The following NDUFB6 variants were observed in gnomAD, a reference collection of about 807,000 sequenced individuals.
NDUFB6 encodes the protein NADH:ubiquinone oxidoreductase subunit B6.
A neutral mutation model predicts 17.5 loss-of-function variants in NDUFB6; 23 were observed. The ratio of observed to expected loss-of-function variants is 1.31; its 90% CI spans 0.94 to 1.86. The LOEUF is 1.86. Among genes scored for constraint, NDUFB6 ranks in the 40% most tolerant of loss-of-function variants. The pLI, the probability that NDUFB6 is intolerant of heterozygous loss-of-function variation, is 0.00. For synonymous variants in NDUFB6, 60 were observed against 53.5 expected (o/e 1.12, Z -0.53); for missense variants, 167 against 153.8 (o/e 1.09, Z -0.46).
At chr9:32,571,314 T>G (rs140861752) in intron 1 of NDUFB6, among the ~76,000 whole-genome samples, 529 of 152,302 alleles carry the variant, frequency 3.5e-3, no homozygotes, top group African/African-American at 7.7e-3. Flanking sequence ...TATAGATTTT[T>G]TAAAGACTTC....
intron 1 of NDUFB6, among the ~76,000 whole-genome samples, chr9:32,572,145 G>A (rs1391338854): frequency 6.6e-6 from 1 of 152,172 alleles, no homozygotes; most frequent in Non-Finnish European, 1.5e-5. Context: ...GCAAGCACCC[G>A]TGTGTTACGT....
chr9:32,556,411 G>A (rs10813834), intron 3 of NDUFB6, among the ~76,000 whole-genome samples: 76,431 of 152,070 alleles, frequency 0.5, 20,218 homozygotes, highest in Middle Eastern at 0.67. Context: ...CGATAGGCAC[G>A]GCTGTAAGAT....
rs140350201 is a variant in NDUFB6 at position 32,570,345 on chromosome 9, C to T, written c.273+615G>A. On this transcript the variant is annotated intron_variant, in intron 2 of 3. Coordinates refer to ENST00000379847, the MANE Select transcript of NDUFB6 (RefSeq NM_002493.5). ...TTTTGTGCTCCAACACTTCAGGCTA[C>T]GCAGTCACCACTGCTCCCTCTGCCA... 3.9e-5 allele frequency among the ~76,000 whole-genome samples: 6 copies of T among 152,280 alleles called. No individual in the cohort carries two copies. The East Asian group carries it at 1.2e-3, about 29-fold the overall frequency.
chr9:32,561,394 C>G (rs13295526), intron 2 of NDUFB6, among the ~76,000 whole-genome samples: 15,680 of 151,786 alleles, frequency 0.1, 1,034 homozygotes, highest in Middle Eastern at 0.28. Context: ...GTGGCCCAAT[C>G]TCGACTCACT....
intron 2 of NDUFB6, chr9:32,566,206 C>A: frequency 1.3e-6 from 1 of 796,778 alleles, no homozygotes; most frequent in Non-Finnish European, 2.2e-6. Flanking sequence ...TTTGTAGATT[C>A]TGTTCAGGTC....
chr9:32,571,101 T>C, intron 1 of NDUFB6, 49 bp from the exon 2 acceptor site: 1 of 1,300,740 alleles, frequency 7.7e-7, no homozygotes. Flanking sequence ...ATTTTTTATA[T>C]TTATGGCAGA....
chr9:32,553,466 G>A lies in NDUFB6; in HGVS notation c.*410C>T, dbSNP rs1480387479. 1 of 196,104 alleles carries A rather than the reference G, an allele frequency of 5.1e-6. No individual in the cohort carries two copies. 12.1% of individuals were successfully genotyped at this position (196,104 alleles called of 1,614,324 possible). On this transcript the variant is annotated 3_prime_UTR_variant, in exon 4 of 4. Coordinates refer to ENST00000379847, the MANE Select transcript of NDUFB6 (RefSeq NM_002493.5). The stretch of plus-strand genomic sequence containing the variant: ...GGCCTCCCAAAGTGCTGGGATTACA[G>A]GCATGAGCCACTGCGCCTGGCCGGA...
intron 2 of NDUFB6, among the ~76,000 whole-genome samples, chr9:32,563,061 TTC>T (rs1445926706): frequency 2.0e-5 from 3 of 152,348 alleles, no homozygotes; most frequent in South Asian, 2.1e-4. Context: ...TGGGTTTATC[TTC>T]TGTTTCCTCA....
chr9:32,563,287 T>C (rs656706), intron 2 of NDUFB6, among the ~76,000 whole-genome samples: 146,201 of 152,244 alleles, frequency 0.96, 70,284 homozygotes, highest in Middle Eastern at 0.98. Context: ...AAATTAAATA[T>C]TTTGAGGATA....
intron 3 of NDUFB6, among the ~76,000 whole-genome samples, chr9:32,557,305 A>G (rs1461911406): frequency 6.7e-6 from 1 of 148,814 alleles, no homozygotes; most frequent in African/African-American, 2.5e-5. Flanking sequence ...CTGGGATTAC[A>G]GGCGTGCACC....
At chr9:32,571,842 G>A (rs1030036691) in intron 1 of NDUFB6, among the ~76,000 whole-genome samples, 1 of 152,170 alleles carries the variant, frequency 6.6e-6, no homozygotes, top group African/African-American at 2.4e-5. Context: ...GATACAAAGG[G>A]TGGGAGAAGA....
At chr9:32,559,212 T>C (rs1264446739) in intron 2 of NDUFB6, among the ~76,000 whole-genome samples, 1 of 152,092 alleles carries the variant, frequency 6.6e-6, no homozygotes, top group African/African-American at 2.4e-5. Flanking sequence ...ACACTCTTAT[T>C]CCCCCAGTTA....
chr9:32,560,923 A>C (rs1262101411), intron 2 of NDUFB6, among the ~76,000 whole-genome samples: 1 of 152,218 alleles, frequency 6.6e-6, no homozygotes, highest in Non-Finnish European at 1.5e-5. Flanking sequence ...ATTTTAAGTC[A>C]CTGTAACCAG....
chr9:32,565,021 G>A (rs1016933134), intron 2 of NDUFB6, among the ~76,000 whole-genome samples: 8 of 152,092 alleles, frequency 5.3e-5, no homozygotes, highest in Non-Finnish European at 8.8e-5. Flanking sequence ...GGCCAGGTGC[G>A]GTGGCTCACG....
At chr9:32,565,228 G>A (rs1821746808) in intron 2 of NDUFB6, among the ~76,000 whole-genome samples, 5 of 151,996 alleles carry the variant, frequency 3.3e-5, no homozygotes, top group Admixed American at 2.6e-4. Flanking sequence ...AGGAGGCAGA[G>A]GTCGCAGTGA....
intron 2 of NDUFB6, chr9:32,566,284 G>A: frequency 8.7e-7 from 1 of 1,154,278 alleles, no homozygotes. Flanking sequence ...GAGGTAGAAA[G>A]CAGGCCATAA....
intron 2 of NDUFB6, chr9:32,566,149 C>T (rs1821782247): frequency 2.9e-6 from 2 of 683,178 alleles, no homozygotes; most frequent in African/African-American, 1.8e-5. Context: ...GTGTATATGT[C>T]ACTGGCGCTT....
chr9:32,558,803 G>T (rs111261393), intron 3 of NDUFB6, 107 bp downstream of exon 3: 2 of 757,368 alleles, frequency 2.6e-6, no homozygotes, highest in Non-Finnish European at 2.1e-6. Flanking sequence ...GACTTAAACC[G>T]AAAGTGAGAA....
chr9:32,559,146 C>T (rs965631394), intron 2 of NDUFB6, among the ~76,000 whole-genome samples, 192 bp from the exon 3 acceptor site: 3 of 152,224 alleles, frequency 2.0e-5, no homozygotes, highest in Non-Finnish European at 4.4e-5. Context: ...AGGTCCCACA[C>T]TTAACTTCTC....
Sources: gnomAD v4.1 joint callset for allele counts (sites outside exome capture counted in the v4.1 genomes callset) on GRCh38, gnomAD v4.1.1 for gene constraint, MANE v1.5 for transcripts, NCBI Gene and HGNC (gene_info 2026-07-23, HGNC 2026-07-21) for gene names.